Variants in PEAK1 observed in about 807,000 individuals in gnomAD.
PEAK1 encodes the protein inactive tyrosine-protein kinase PEAK1.
PEAK1 carries 54 observed loss-of-function variants against 124.7 expected under a neutral mutation model. The ratio of observed to expected loss-of-function variants is 0.43; its 90% CI spans 0.35 to 0.54. The LOEUF is 0.54. Among genes scored for constraint, PEAK1 ranks in the 20% least tolerant of loss-of-function variants. PEAK1 has a pLI of 0.01. For missense variants in PEAK1, 2,046 were observed against 2,134.5 expected (o/e 0.96, Z 0.82); for synonymous variants, 719 against 760.0 (o/e 0.95, Z 0.89).
chr15:77,377,280 A>G (rs916755040), intron 1 of PEAK1, among the ~76,000 whole-genome samples: 1 of 152,118 alleles, frequency 6.6e-6, no homozygotes, highest in African/African-American at 2.4e-5. Flanking sequence ...GCTGCTCAGG[A>G]GGCTGAGGTG....
intron 6 of PEAK1, among the ~76,000 whole-genome samples, chr15:77,247,378 G>A (rs190849526): frequency 1.6e-3 from 236 of 150,632 alleles, no homozygotes; most frequent in African/African-American, 5.6e-3. Context: ...TCAATTCCTA[G>A]TTTGCTGAGA....
chr15:77,322,177 G>A (rs1396373379), intron 2 of PEAK1, among the ~76,000 whole-genome samples: 1 of 152,120 alleles, frequency 6.6e-6, no homozygotes, highest in Non-Finnish European at 1.5e-5. Context: ...GAGAAAGCAG[G>A]AAAGATCTAA....
At chr15:77,360,510 C>T (rs1047659637) in intron 2 of PEAK1, among the ~76,000 whole-genome samples, 6 of 152,014 alleles carry the variant, frequency 3.9e-5, no homozygotes, top group African/African-American at 1.4e-4. Flanking sequence ...TAAGTTGATC[C>T]TTGGACAACA....
At chr15:77,367,155 A>C (rs1356413910) in intron 1 of PEAK1, among the ~76,000 whole-genome samples, 1 of 152,212 alleles carries the variant, frequency 6.6e-6, no homozygotes, top group Admixed American at 6.5e-5. Flanking sequence ...GAAGCAAACT[A>C]AAAGTACAAA....
chr15:77,311,539 G>A (rs1208203335), intron 2 of PEAK1, among the ~76,000 whole-genome samples: 2 of 151,876 alleles, frequency 1.3e-5, no homozygotes, highest in Non-Finnish European at 2.9e-5. Flanking sequence ...AGGCGTGCTG[G>A]CGGGTACCTG....
At chr15:77,251,634 T>C (rs1288787274) in intron 6 of PEAK1, among the ~76,000 whole-genome samples, 1 of 152,104 alleles carries the variant, frequency 6.6e-6, no homozygotes, top group Admixed American at 6.6e-5. Context: ...TGTTGAAGGA[T>C]GTGAGGTAGG....
intron 8 of PEAK1, among the ~76,000 whole-genome samples, chr15:77,144,916 C>T (rs1596339104): frequency 1.3e-5 from 2 of 152,302 alleles, no homozygotes; most frequent in East Asian, 3.9e-4. Flanking sequence ...TCCTGTCAAG[C>T]CCCTGGGACC....
chr15:77,253,605 C>A (rs1054473429), intron 5 of PEAK1, among the ~76,000 whole-genome samples: 1 of 148,612 alleles, frequency 6.7e-6, no homozygotes, highest in African/African-American at 2.4e-5. Context: ...AATTGTCTTA[C>A]TTTACCTTCA....
rs1380630645 is a variant in PEAK1 at position 77,208,629 on chromosome 15, G to GA, written c.-114-26590dup. Among the ~76,000 whole-genome samples the GA allele has an allele frequency of 2.0e-5, 3 of 151,914 alleles. No individual in the cohort carries two copies. The South Asian group carries it at 6.2e-4, about 31-fold the overall frequency. On this transcript the variant is annotated intron_variant, in intron 6 of 9. Transcript: ENST00000682557. The stretch of plus-strand genomic sequence containing the variant: ...TGAATTCTAGGCAATGTTGTATAGG[G>GA]AAAAAACACCATTCTTTCTGCCAAA...
chr15:77,259,898 A>G (rs2061350303), intron 5 of PEAK1, among the ~76,000 whole-genome samples: 2 of 152,196 alleles, frequency 1.3e-5, no homozygotes, highest in Admixed American at 6.5e-5. Context: ...GAAGGCTAGA[A>G]TTTATGGAGC....
intron 2 of PEAK1, among the ~76,000 whole-genome samples, chr15:77,343,301 T>C (rs1030117305): frequency 1.3e-5 from 2 of 152,168 alleles, no homozygotes; most frequent in Non-Finnish European, 2.9e-5. Flanking sequence ...ATTTTTTAAT[T>C]GAATTGTTTG....
rs186318516 is a variant in PEAK1, at chr15:77,136,138, T to A, written c.3332-2388A>T. 4.9e-3 allele frequency among the ~76,000 whole-genome samples: 748 copies of A among 152,218 alleles called. 14 individuals are homozygous for A. The highest frequency in any genetic ancestry group is 0.017 in the African/African-American group (712 of 41,528). On this transcript the variant is annotated intron_variant, in intron 8 of 9. Coordinates refer to ENST00000682557, the MANE Select transcript of PEAK1 (RefSeq NM_001385026.1). The stretch of plus-strand genomic sequence containing the variant: ...AACAATAAGGTCCAGGCTGAGGTGG[T>A]CTCAGATGGAGATAAGGAACTCGTT...
intron 2 of PEAK1, chr15:77,337,218 C>A: frequency 1.0e-6 from 1 of 983,886 alleles, no homozygotes; most frequent in Non-Finnish European, 1.2e-6. Flanking sequence ...TAAACTCAGC[C>A]AAGACAAGAT....
chr15:77,331,168 T>G (rs2065870496), intron 2 of PEAK1: 2 of 377,146 alleles, frequency 5.3e-6, no homozygotes, highest in Non-Finnish European at 7.3e-6. Flanking sequence ...CTTGCTCTGC[T>G]GCCCAGGCTG....
At chr15:77,191,428 T>G (rs951563948) in intron 6 of PEAK1, among the ~76,000 whole-genome samples, 1 of 152,178 alleles carries the variant, frequency 6.6e-6, no homozygotes, top group Non-Finnish European at 1.5e-5. Context: ...GACATACCAA[T>G]TGGGCACTTG....
chr15:77,321,447 T>A (rs1475517029), intron 2 of PEAK1, among the ~76,000 whole-genome samples: 1 of 152,220 alleles, frequency 6.6e-6, no homozygotes, highest in Non-Finnish European at 1.5e-5. Context: ...TTTTGGCTGC[T>A]TAAATGTCTT....
intron 5 of PEAK1, among the ~76,000 whole-genome samples, chr15:77,264,749 A>G (rs897685688): frequency 6.6e-6 from 1 of 152,130 alleles, no homozygotes; most frequent in Non-Finnish European, 1.5e-5. Context: ...AATTGGAAAA[A>G]ACTACTTTAA....
rs766447394 is a variant in PEAK1 at position 77,114,150 on chromosome 15, T to G, written c.*6A>C. 6 of 1,611,952 alleles carry G rather than the reference T, an allele frequency of 3.7e-6. No individual in the cohort carries two copies. In the African/African-American group the frequency reaches 8.0e-5, roughly 21 times the overall value. On this transcript the variant is annotated 3_prime_UTR_variant, in exon 10 of 10. Coordinates refer to ENST00000682557, the MANE Select transcript of PEAK1 (RefSeq NM_001385026.1). The stretch of plus-strand genomic sequence containing the variant: ...AGATGTAGTAAAAGCATCATCCAGG[T>G]ACACATTAACGGTGCTGCAGAATTT...
At chr15:77,148,875 T>C (rs1016928793) in intron 8 of PEAK1, among the ~76,000 whole-genome samples, 2 of 152,164 alleles carry the variant, frequency 1.3e-5, no homozygotes, top group African/African-American at 2.4e-5. Flanking sequence ...TGAGCTATGA[T>C]AGCGCCACTG....
Sources: gnomAD v4.1 joint callset for allele counts (sites outside exome capture counted in the v4.1 genomes callset) on GRCh38, gnomAD v4.1.1 for gene constraint, MANE v1.5 for transcripts, NCBI Gene and HGNC (gene_info 2026-07-23, HGNC 2026-07-21) for gene names.